The following ACACA variants were observed in gnomAD, a reference collection of about 807,000 sequenced individuals.
The protein encoded by ACACA is acetyl-CoA carboxylase alpha.
In ACACA, 103 loss-of-function variants were observed where a neutral mutation model predicts 296.1. That is an observed-to-expected ratio of 0.35 (90% CI 0.30 to 0.41). The LOEUF is 0.41. Among genes scored for constraint, ACACA ranks in the 10% least tolerant of loss-of-function variants. The probability of loss-of-function intolerance (pLI) is 1.00; values close to 1 mark genes in which losing one functional copy is unlikely to be tolerated. For missense variants in ACACA, 1,554 were observed against 2,989.7 expected, an observed-to-expected ratio of 0.52 and a Z score of 11.20; for synonymous variants, 953 against 1,038.6, an observed-to-expected ratio of 0.92 and a Z score of 1.58.
intron 1 of ACACA, among the ~76,000 whole-genome samples, chr17:37,372,318 CAGG>C (rs2049837237): frequency 6.7e-6 from 1 of 149,844 alleles, no homozygotes; most frequent in African/African-American, 2.5e-5. Flanking sequence ...GAGGCTGAGG[CAGG>C]AGAATGGTGT....
At chr17:37,185,406 T>C (rs1370036048) in intron 39 of ACACA, among the ~76,000 whole-genome samples, 1 of 126,092 alleles carries the variant, frequency 7.9e-6, no homozygotes, top group Non-Finnish European at 1.7e-5. Flanking sequence ...CTATTTCTTT[T>C]TTTTTTTTTT....
At chr17:37,181,447 CTT>C in intron 39 of ACACA, 91 bp from the exon 40 acceptor site, 1 of 1,422,160 alleles carries the variant, frequency 7.0e-7, no homozygotes, top group South Asian at 1.2e-5. Flanking sequence ...AATATTATCT[CTT>C]TGAAAACATT....
chr17:37,399,314 GAATTCA>G (rs948375350), intron 1 of ACACA, among the ~76,000 whole-genome samples: 1 of 152,122 alleles, frequency 6.6e-6, no homozygotes, highest in Non-Finnish European at 1.5e-5. Context: ...AGTGGAGACA[GAATTCA>G]AATTCAGGAA....
At chr17:37,324,444 C>A (rs911223554) in intron 3 of ACACA, among the ~76,000 whole-genome samples, 2 of 150,774 alleles carry the variant, frequency 1.3e-5, no homozygotes, top group Admixed American at 6.6e-5. Context: ...CTGAGGCGGG[C>A]GGATCACGTG....
At chr17:37,226,503 G>A in intron 25 of ACACA, 51 bp from the exon 26 acceptor site, 1 of 1,446,504 alleles carries the variant, frequency 6.9e-7, no homozygotes, top group Non-Finnish European at 9.7e-7. Flanking sequence ...AAAAGAACAG[G>A]TGGATAGGAT....
intron 1 of ACACA, among the ~76,000 whole-genome samples, chr17:37,358,318 T>G (rs2049236732): frequency 6.6e-6 from 1 of 152,210 alleles, no homozygotes; most frequent in African/African-American, 2.4e-5. Flanking sequence ...ATCATTAGCT[T>G]CACATCAGCT....
chr17:37,388,540 T>C, intron 1 of ACACA: 3 of 1,072,024 alleles, frequency 2.8e-6, no homozygotes, highest in Non-Finnish European at 4.0e-6. Context: ...TTGGAAATTC[T>C]GCCTCTGCCT....
intron 1 of ACACA, among the ~76,000 whole-genome samples, chr17:37,400,608 T>A (rs1444629292): frequency 2.0e-5 from 3 of 152,178 alleles, no homozygotes; most frequent in African/African-American, 7.2e-5. Flanking sequence ...ATAAGTGAGA[T>A]TAAGCAGTAT....
chr17:37,259,420 C>T lies in ACACA; in HGVS notation c.1440G>A (p.Gln480=), dbSNP rs1253469277. Residue 480 remains glutamine, a synonymous_variant, in exon 12 of 56, where the codon CAG becomes CAA. Coordinates refer to ENST00000616317, the MANE Select transcript of ACACA (RefSeq NM_198834.3). ...CCATCTCTGTACAAGGGTGCTCTAC[C>T]TGCAGCCGAGGATTCAATTCCAGAA... is the stretch of plus-strand genomic sequence containing the variant. ...FYFLELNPRL[Q]VEHPCTEMVA... 5 of 1,614,222 alleles carry T rather than the reference C, an allele frequency of 3.1e-6. No homozygotes were observed. In the Admixed American group the frequency reaches 8.3e-5, roughly 27 times the overall value.
At chr17:37,271,547 T>G (rs2082071870) in intron 9 of ACACA, among the ~76,000 whole-genome samples, 1 of 151,734 alleles carries the variant, frequency 6.6e-6, no homozygotes, top group African/African-American at 2.4e-5. Context: ...CAAAGAAAGA[T>G]GCGTGGATAT....
intron 16 of ACACA, among the ~76,000 whole-genome samples, chr17:37,249,503 T>C (rs1425763205): frequency 6.6e-6 from 1 of 152,228 alleles, no homozygotes; most frequent in Non-Finnish European, 1.5e-5. Flanking sequence ...TTTCTCTACG[T>C]ACTTGCCAAT....
intron 9 of ACACA, among the ~76,000 whole-genome samples, chr17:37,271,724 C>G (rs1415487153): frequency 6.6e-6 from 1 of 151,554 alleles, no homozygotes; most frequent in Non-Finnish European, 1.5e-5. Flanking sequence ...AATCCCAACA[C>G]TTTGAGAGGC....
chr17:37,167,659 T>C (rs1233448617), intron 41 of ACACA, among the ~76,000 whole-genome samples: 2 of 148,496 alleles, frequency 1.3e-5, no homozygotes, highest in African/African-American at 2.5e-5. Flanking sequence ...TAAGGAAGTA[T>C]GTTCCTTAAT....
chr17:37,162,500 G>A, intron 41 of ACACA: 1 of 290,680 alleles, frequency 3.4e-6, no homozygotes, highest in Non-Finnish European at 6.6e-6. Flanking sequence ...TTTGGGTCAT[G>A]GGGTGGATCC....
chr17:37,303,024 A>T (rs556888713), intron 3 of ACACA, among the ~76,000 whole-genome samples: 3 of 152,052 alleles, frequency 2.0e-5, no homozygotes, highest in Admixed American at 6.6e-5. Context: ...TTAAACTCCT[A>T]GGCTCAAGCA....
chr17:37,375,442 G>A lies in ACACA; in HGVS notation c.38+30820C>T, dbSNP rs943930439. ...ACAGAGCTTGCAGTGAGCCGAGATC[G>A]TGTCACTACACTCCAGCCTGGGCGA... On this transcript the variant is annotated intron_variant, in intron 1 of 55. Coordinates refer to ENST00000616317, the MANE Select transcript of ACACA (RefSeq NM_198834.3). Among the ~76,000 whole-genome samples the A allele has an allele frequency of 4.6e-5, 7 of 151,696 alleles. No individual in the cohort carries two copies. In the East Asian group the frequency reaches 1.4e-3, roughly 30 times the overall value.
intron 14 of ACACA, among the ~76,000 whole-genome samples, chr17:37,255,084 G>C (rs1395060769): frequency 6.6e-6 from 1 of 151,218 alleles, no homozygotes; most frequent in East Asian, 1.9e-4. Context: ...TTGGGCGACA[G>C]AGCAAGACTC....
At chr17:37,321,754 A>G (rs1012104496) in intron 3 of ACACA, among the ~76,000 whole-genome samples, 2 of 151,718 alleles carry the variant, frequency 1.3e-5, no homozygotes, top group Non-Finnish European at 2.9e-5. Context: ...TCTCAAAAAA[A>G]TAAATAAATA....
At chr17:37,233,989 T>C (rs2079987598) in intron 25 of ACACA, among the ~76,000 whole-genome samples, 1 of 152,218 alleles carries the variant, frequency 6.6e-6, no homozygotes, top group Non-Finnish European at 1.5e-5. Context: ...TATAACTGAA[T>C]GAGTGGCACT....
Sources: allele counts gnomAD v4.1 joint callset (sites outside exome capture counted in the v4.1 genomes callset), GRCh38; gene constraint gnomAD v4.1.1; transcripts MANE v1.5; gene names NCBI Gene and HGNC (gene_info 2026-07-23, HGNC 2026-07-21).